Variants in LINC00305 observed in about 807,000 individuals in gnomAD.
The protein encoded by LINC00305 is long independently transcribed non-coding RNA 305.
chr18:64,143,862 A>G (rs1469326098), intron 1 of LINC00305, among the ~76,000 whole-genome samples: 10 of 152,076 alleles, frequency 6.6e-5, no homozygotes, highest in Non-Finnish European at 1.3e-4. Context: ...ATACATACAT[A>G]CATACATATA....
At chr18:64,143,800 CATGTATGTATACAT>C (rs1313548415) in intron 1 of LINC00305, among the ~76,000 whole-genome samples, 12 of 145,956 alleles carry the variant, frequency 8.2e-5, no homozygotes, top group Admixed American at 1.4e-4. Flanking sequence ...ATTATGCGTA[CATGTATGTATACAT>C]ATATACACAG....
intron 3 of LINC00305, among the ~76,000 whole-genome samples, chr18:64,090,217 T>A (rs1568104120): frequency 6.6e-6 from 1 of 152,196 alleles, no homozygotes; most frequent in African/African-American, 2.4e-5. Flanking sequence ...TTTAGTAGAA[T>A]ATGAAAATAT....
At chr18:64,131,843 G>A (rs754312311) in intron 1 of LINC00305, among the ~76,000 whole-genome samples, 1 of 152,184 alleles carries the variant, frequency 6.6e-6, no homozygotes, top group Non-Finnish European at 1.5e-5. Context: ...GATAGCTCCA[G>A]AAGTGTCATC....
At chr18:64,121,088 A>G (rs2051359840) in intron 1 of LINC00305, among the ~76,000 whole-genome samples, 1 of 152,172 alleles carries the variant, frequency 6.6e-6, no homozygotes, top group Non-Finnish European at 1.5e-5. Flanking sequence ...TAAAAATGGT[A>G]CATGGAACAT....
At chr18:64,093,458 C>T (rs2051232631) in intron 3 of LINC00305, among the ~76,000 whole-genome samples, 2 of 152,316 alleles carry the variant, frequency 1.3e-5, no homozygotes, top group South Asian at 4.1e-4. Context: ...CCTCAGCCTC[C>T]CCAGTAGCTG....
At chr18:64,111,892 G>GCA (rs1170350718) in intron 1 of LINC00305, among the ~76,000 whole-genome samples, 1 of 152,208 alleles carries the variant, frequency 6.6e-6, no homozygotes, top group Non-Finnish European at 1.5e-5. Flanking sequence ...GAACAGTAAT[G>GCA]TATGCAAACT....
At chr18:64,092,128 G>A (rs189056286) in intron 3 of LINC00305, among the ~76,000 whole-genome samples, 111 of 152,226 alleles carry the variant, frequency 7.3e-4, no homozygotes, top group African/African-American at 2.4e-3. Context: ...ACCTCCTTTG[G>A]CTTTTCTCAC....
At chr18:64,080,312 C>T (rs557659448) in exon 4 of LINC00305, 3 of 457,588 alleles carry the variant, frequency 6.6e-6, no homozygotes, top group South Asian at 4.6e-5. Flanking sequence ...TTAGTGATCT[C>T]CTTTCCTCTT....
In LINC00305 at chr18:64,101,641, T is replaced by C. The variant is rs145678540; in HGVS notation, n.315-3001A>G. Among the ~76,000 whole-genome samples the C allele has an allele frequency of 7.9e-5, 12 of 152,320 alleles. No individual in the cohort carries two copies. In the East Asian group the frequency reaches 2.3e-3, roughly 29 times the overall value. ...GATGACTTCATTTTAACAGATTACATTTAATAAGACCTTTTTAAAATCAGG... is the reference window on the plus strand; with the variant it reads ...GATGACTTCATTTTAACAGATTACACTTAATAAGACCTTTTTAAAATCAGG... On this transcript the variant is annotated intron_variant and non_coding_transcript_variant, in intron 1 of 3. Transcript: ENST00000666468.
At chr18:64,102,326 G>A (rs750051867) in intron 1 of LINC00305, among the ~76,000 whole-genome samples, 6 of 151,950 alleles carry the variant, frequency 3.9e-5, no homozygotes, top group Non-Finnish European at 8.8e-5. Context: ...ATAGAACTTA[G>A]CATTTTAATC....
At chr18:64,083,129 T>C (rs1023842611) in intron 3 of LINC00305, among the ~76,000 whole-genome samples, 2 of 152,172 alleles carry the variant, frequency 1.3e-5, no homozygotes, top group African/African-American at 4.8e-5. Flanking sequence ...TTTCTTTTTG[T>C]ATTTTTTACT....
chr18:64,116,301 A>C (rs1370133819), intron 1 of LINC00305, among the ~76,000 whole-genome samples: 1 of 152,236 alleles, frequency 6.6e-6, no homozygotes, highest in Non-Finnish European at 1.5e-5. Context: ...TATTGACCAG[A>C]GAATGTCCTT....
intron 3 of LINC00305, among the ~76,000 whole-genome samples, chr18:64,091,033 G>T (rs1026486290): frequency 6.6e-6 from 1 of 152,206 alleles, no homozygotes; most frequent in African/African-American, 2.4e-5. Context: ...GGAGGTATGT[G>T]CTGCCCTGTC....
rs139510504 is a variant in LINC00305 at position 64,144,870 on chromosome 18, A to G, written n.314+3905T>C. ...GTAGTCAGGGGGTTTTCACATCACC[A>G]AGATTCCTATCCCAGAAAAGCAGAT... On this transcript the variant is annotated intron_variant and non_coding_transcript_variant, in intron 1 of 3. Transcript: ENST00000666468. Among the ~76,000 whole-genome samples the G allele has an allele frequency of 3.5e-4, 53 of 152,226 alleles. No homozygotes were observed. The East Asian group carries it at 9.9e-3, about 28-fold the overall frequency.
Position 64,091,074 on chromosome 18 carries a change from A to G in LINC00305, n.540+6760T>C, listed in dbSNP as rs550911479. On this transcript the variant is annotated intron_variant and non_coding_transcript_variant, in intron 3 of 3. Coordinates refer to ENST00000666468, the Ensembl canonical transcript of LINC00305. ...CTTTTCTACTATGTGGTCATTGTCA[A>G]CTAAGTGGGTGACTAATACAGGGAA... 2.0e-5 allele frequency among the ~76,000 whole-genome samples: 3 copies of G among 152,372 alleles called. No homozygotes were observed. In the East Asian group the frequency reaches 5.8e-4, roughly 29 times the overall value.
rs147164443 is a variant in LINC00305 at position 64,135,496 on chromosome 18, AG to A, written n.314+13278del. On this transcript the variant is annotated intron_variant and non_coding_transcript_variant, in intron 1 of 3. Transcript: ENST00000666468. ...AGGGAGGAATTTGTTGGCACAATCC[AG>A]GAACAGGGAATGACAGAGATGCAGC... 2.1e-4 allele frequency among the ~76,000 whole-genome samples: 32 copies of A among 152,356 alleles called. No homozygotes were observed. In the East Asian group the frequency reaches 6.2e-3, roughly 29 times the overall value.
chr18:64,137,481 G>A lies in LINC00305; in HGVS notation n.314+11294C>T, dbSNP rs114106629. Among the ~76,000 whole-genome samples, 638 of 152,268 alleles carry A rather than the reference G, an allele frequency of 4.2e-3. 4 individuals are homozygous for A. The highest frequency in any genetic ancestry group is 0.014 in the African/African-American group (587 of 41,550). On this transcript the variant is annotated intron_variant and non_coding_transcript_variant, in intron 1 of 3. Coordinates refer to ENST00000666468, the Ensembl canonical transcript of LINC00305. Reference sequence around the variant, plus strand: ...TATTATTTGAATTTGATTCACCAACGAATAATATTTTCTTCAAAATGTTTT... The same window carrying A: ...TATTATTTGAATTTGATTCACCAACAAATAATATTTTCTTCAAAATGTTTT...
chr18:64,098,581 T>C (rs1216651791), exon 2 of LINC00305: 1 of 448,594 alleles, frequency 2.2e-6, no homozygotes, highest in South Asian at 1.6e-5. Flanking sequence ...ACTCACCATG[T>C]ATAATGCACA....
rs566819920 is a variant in LINC00305 at position 64,118,156 on chromosome 18, T to A, written n.315-19516A>T. ...GTCTCTGGTATTTGTTTTGGACAAA[T>A]AAAGCAAGCTTAAAGGAAGCTTGGC... On this transcript the variant is annotated intron_variant and non_coding_transcript_variant, in intron 1 of 3. Coordinates refer to ENST00000666468, the Ensembl canonical transcript of LINC00305. Among the ~76,000 whole-genome samples the A allele has an allele frequency of 2.6e-5, 4 of 152,282 alleles. No individual in the cohort carries two copies. The South Asian group carries it at 8.3e-4, about 32-fold the overall frequency.
Sources: gnomAD v4.1 joint callset for allele counts (sites outside exome capture counted in the v4.1 genomes callset) on GRCh38, gnomAD v4.1.1 for gene constraint, MANE v1.5 for transcripts, NCBI Gene and HGNC (gene_info 2026-07-23, HGNC 2026-07-21) for gene names.